The following ANKRD44 variants were observed in gnomAD, a reference collection of about 807,000 sequenced individuals.
ANKRD44 encodes the protein serine/threonine-protein phosphatase 6 regulatory ankyrin repeat subunit B.
Under a neutral mutation model 116.0 loss-of-function variants are expected in ANKRD44, and 35 were observed. The ratio of observed to expected loss-of-function variants is 0.30; its 90% CI spans 0.23 to 0.40. ANKRD44 has a LOEUF of 0.40. ANKRD44 is among the 10% of genes least tolerant of loss of function. The pLI is 1.00. For synonymous variants in ANKRD44, 435 were observed against 461.8 expected, an observed-to-expected ratio of 0.94 and a Z score of 0.74; for missense variants, 1,014 against 1,242.6, an observed-to-expected ratio of 0.82 and a Z score of 2.77.
chr2:196,982,030 T>G (rs1386265539), downstream of ANKRD44, among the ~76,000 whole-genome samples: 2 of 149,020 alleles, frequency 1.3e-5, no homozygotes, highest in Non-Finnish European at 3.0e-5. Context: ...CTCTAAATGC[T>G]GGAGTGTGCA....
intron 21 of ANKRD44, among the ~76,000 whole-genome samples, chr2:196,972,103 G>A (rs1393992014): frequency 1.3e-5 from 2 of 152,182 alleles, no homozygotes; most frequent in Non-Finnish European, 2.9e-5. Context: ...TGAGGGAGGA[G>A]GATAGGAGTA....
intron 13 of ANKRD44, among the ~76,000 whole-genome samples, chr2:197,084,705 G>A (rs2077880153): frequency 6.6e-6 from 1 of 151,928 alleles, no homozygotes; most frequent in South Asian, 2.1e-4. Context: ...GTGTATATGT[G>A]TAAATCATTT....
chr2:197,028,025 T>C (rs2076630709), intron 16 of ANKRD44, among the ~76,000 whole-genome samples: 1 of 152,032 alleles, frequency 6.6e-6, no homozygotes, highest in Non-Finnish European at 1.5e-5. Flanking sequence ...TTTAGCAACA[T>C]GAGGCCTGAG....
rs141920846 is a variant in ANKRD44 at position 197,210,046 on chromosome 2, G to A, written c.28-22940C>T. Reference sequence around the variant, plus strand: ...CTTACAGAAATTCCTTTGAGTTAAAGTTTCCCCTGTTGAAATCACCTCTGA... The same window carrying A: ...CTTACAGAAATTCCTTTGAGTTAAAATTTCCCCTGTTGAAATCACCTCTGA... On this transcript the variant is annotated intron_variant, in intron 1 of 27. Coordinates refer to ENST00000282272, the MANE Select transcript of ANKRD44 (RefSeq NM_001195144.2). Among the ~76,000 whole-genome samples, 255 of 152,286 alleles carry A rather than the reference G, an allele frequency of 1.7e-3. 3 individuals carry two copies. Among genetic ancestry groups the A allele is most frequent in the African/African-American group, 5.8e-3 (240 of 41,546 alleles).
intron 1 of ANKRD44, among the ~76,000 whole-genome samples, chr2:197,289,684 G>A (rs1223129366): frequency 6.6e-6 from 1 of 152,186 alleles, no homozygotes; most frequent in Non-Finnish European, 1.5e-5. Flanking sequence ...CAGCAGATCA[G>A]TATTTGCCTA....
In ANKRD44 at chr2:197,107,875, T is replaced by TA. The variant is rs1257415175; in HGVS notation, c.985+2890dup. Among the ~76,000 whole-genome samples, 4 of 152,012 alleles carry TA rather than the reference T, an allele frequency of 2.6e-5. No individual in the cohort carries two copies. The East Asian group carries it at 7.7e-4, about 29-fold the overall frequency. On this transcript the variant is annotated intron_variant, in intron 9 of 27. Transcript: ENST00000282272. ...CAGAAGGAAGCCAACAAACAGGAGG[T>TA]AAAAAAAGAACTTCCTTTTCTTCTC...
chr2:197,119,659 G>C (rs1012859972), intron 8 of ANKRD44, among the ~76,000 whole-genome samples: 4 of 152,198 alleles, frequency 2.6e-5, no homozygotes, highest in Non-Finnish European at 4.4e-5. Context: ...ATAGTGAATA[G>C]AGAAGGTTAT....
At chr2:197,142,600 A>C (rs548808608) in intron 3 of ANKRD44, among the ~76,000 whole-genome samples, 2 of 152,338 alleles carry the variant, frequency 1.3e-5, no homozygotes, top group African/African-American at 4.8e-5. Context: ...CACCCACCAG[A>C]AAATGGCTTA....
intron 21 of ANKRD44, among the ~76,000 whole-genome samples, chr2:196,967,971 C>G (rs887662733): frequency 6.6e-6 from 1 of 151,600 alleles, no homozygotes; most frequent in Non-Finnish European, 1.5e-5. Context: ...ATGTGACATG[C>G]CTGCTCTCCT....
At chr2:197,233,735 C>T (rs2081917666) in intron 1 of ANKRD44, among the ~76,000 whole-genome samples, 1 of 152,190 alleles carries the variant, frequency 6.6e-6, no homozygotes, top group South Asian at 2.1e-4. Flanking sequence ...AAAAACAATG[C>T]AAGTAAGCAT....
At chr2:196,992,085 A>T (rs1341527406) in intron 27 of ANKRD44, among the ~76,000 whole-genome samples, 1 of 152,152 alleles carries the variant, frequency 6.6e-6, no homozygotes, top group Non-Finnish European at 1.5e-5. Context: ...TAAGTCTTTG[A>T]CTTGATTATT....
chr2:197,195,769 T>G (rs2080934882), intron 1 of ANKRD44, among the ~76,000 whole-genome samples: 1 of 152,192 alleles, frequency 6.6e-6, no homozygotes. Flanking sequence ...ATTTAAATCA[T>G]AACATTTCAA....
At chr2:197,119,306 C>T (rs2078798320) in intron 8 of ANKRD44, among the ~76,000 whole-genome samples, 1 of 152,090 alleles carries the variant, frequency 6.6e-6, no homozygotes, top group Admixed American at 6.5e-5. Flanking sequence ...CCTGCAGAGC[C>T]TGGAGAGGCC....
intron 16 of ANKRD44, among the ~76,000 whole-genome samples, chr2:197,048,296 C>T (rs957850074): frequency 3.3e-5 from 5 of 152,060 alleles, no homozygotes; most frequent in Non-Finnish European, 7.4e-5. Context: ...ACCATCAACT[C>T]GTCATTTACA....
At chr2:197,292,570 CTTTGTAT>C (rs2083603544) in intron 1 of ANKRD44, among the ~76,000 whole-genome samples, 1 of 152,152 alleles carries the variant, frequency 6.6e-6, no homozygotes, top group Admixed American at 6.5e-5. Flanking sequence ...GAATTACATC[CTTTGTAT>C]CTTTCCAACT....
At chr2:197,045,478 A>C (rs1052833308) in intron 16 of ANKRD44, among the ~76,000 whole-genome samples, 3 of 152,050 alleles carry the variant, frequency 2.0e-5, no homozygotes, top group African/African-American at 7.2e-5. Context: ...AAGCTCCTAA[A>C]TTTCCACCCC....
intron 1 of ANKRD44, among the ~76,000 whole-genome samples, chr2:197,220,387 C>A (rs1466655507): frequency 6.6e-6 from 1 of 152,176 alleles, no homozygotes; most frequent in Admixed American, 6.5e-5. Flanking sequence ...AAAATGGGTT[C>A]TCCATATAAC....
intron 1 of ANKRD44, among the ~76,000 whole-genome samples, chr2:197,265,822 G>C (rs2082727264): frequency 6.6e-6 from 1 of 151,960 alleles, no homozygotes; most frequent in African/African-American, 2.4e-5. Context: ...AGACAAAAAG[G>C]AACGTTTTTA....
At chr2:197,015,847 T>TGTG (rs1396341511) in intron 17 of ANKRD44, 3 of 512,654 alleles carry the variant, frequency 5.9e-6, no homozygotes, top group Non-Finnish European at 1.1e-5. Context: ...TGGTGGTACC[T>TGTG]GTGGTGGTGG....
Sources: gnomAD v4.1 joint callset for allele counts (sites outside exome capture counted in the v4.1 genomes callset) on GRCh38, gnomAD v4.1.1 for gene constraint, MANE v1.5 for transcripts, NCBI Gene and HGNC (gene_info 2026-07-23, HGNC 2026-07-21) for gene names.